Variants in STK32B observed in about 807,000 individuals in gnomAD.
STK32B encodes the protein serine/threonine kinase 32B, also known as serine/threonine-protein kinase 32B.
Under a neutral mutation model 52.6 loss-of-function variants are expected in STK32B, and 43 were observed. The observed-to-expected ratio is 0.82, with a 90% CI of 0.64 to 1.05. STK32B has a LOEUF of 1.05. Among genes scored for constraint, STK32B ranks in the 50% least tolerant of loss-of-function variants. STK32B has a pLI of 0.00. For missense variants in STK32B, 621 were observed against 534.6 expected (o/e 1.16, Z -1.59); for synonymous variants, 238 against 204.3 (o/e 1.17, Z -1.41).
chr4:5,087,849 T>G (rs1712822146), intron 1 of STK32B, among the ~76,000 whole-genome samples: 1 of 151,984 alleles, frequency 6.6e-6, no homozygotes, highest in Non-Finnish European at 1.5e-5. Context: ...CAATAATAGT[T>G]GGAGACTTAA....
At chr4:5,385,636 T>G (rs1164960216) in intron 4 of STK32B, among the ~76,000 whole-genome samples, 2 of 152,050 alleles carry the variant, frequency 1.3e-5, no homozygotes, top group Non-Finnish European at 2.9e-5. Context: ...TGAAGACAGG[T>G]GTGGTGTGTA....
chr4:5,144,862 C>T (rs181891335), intron 2 of STK32B, among the ~76,000 whole-genome samples: 482 of 152,216 alleles, frequency 3.2e-3, no homozygotes, highest in African/African-American at 0.011. Flanking sequence ...TTGCTCTGGG[C>T]CCTATTCTAG....
chr4:5,200,495 C>G (rs563026106), intron 3 of STK32B, among the ~76,000 whole-genome samples: 4 of 152,246 alleles, frequency 2.6e-5, no homozygotes, highest in African/African-American at 9.6e-5. Context: ...ACATGCTCCC[C>G]TTCTCCTCCA....
rs572360952 is a variant in STK32B at position 5,173,554 on chromosome 4, G to A, written c.260+5104G>A. ...ACATCTTTATTTCTGCCTTCATTTC[G>A]TTATGTACCCAGTAGTCATTCAGGA... On this transcript the variant is annotated intron_variant, in intron 3 of 11. Transcript: ENST00000282908. 3.4e-3 allele frequency among the ~76,000 whole-genome samples: 518 copies of A among 152,082 alleles called. 8 individuals carry two copies. The highest frequency in any genetic ancestry group is 0.011 in the African/African-American group (477 of 41,508).
intron 4 of STK32B, among the ~76,000 whole-genome samples, chr4:5,360,173 C>T (rs1230788011): frequency 6.6e-6 from 1 of 152,086 alleles, no homozygotes; most frequent in African/African-American, 2.4e-5. Flanking sequence ...AGTTCAGTTG[C>T]CTGGAAAGAC....
chr4:5,054,281 T>C (rs1239735692), intron 1 of STK32B, among the ~76,000 whole-genome samples: 2 of 151,822 alleles, frequency 1.3e-5, no homozygotes, highest in Admixed American at 1.3e-4. Context: ...AAACACAGGG[T>C]GTGTAAGTGC....
At chr4:5,074,209 T>TGTGTGTGTGTGTGTGCGC (rs397878571) in intron 1 of STK32B, among the ~76,000 whole-genome samples, 1 of 144,222 alleles carries the variant, frequency 6.9e-6, no homozygotes, top group African/African-American at 2.5e-5. Flanking sequence ...TGTGTGTGTG[T>TGTGTGTGTGTGTGTGCGC]GCGCGTGCGT....
At chr4:5,377,283 C>G (rs548981926) in intron 4 of STK32B, among the ~76,000 whole-genome samples, 11 of 152,264 alleles carry the variant, frequency 7.2e-5, no homozygotes, top group South Asian at 4.1e-4. Context: ...TTAAAAATAA[C>G]AGCAAAAGGG....
intron 3 of STK32B, among the ~76,000 whole-genome samples, chr4:5,247,563 G>A (rs770952343): frequency 6.6e-6 from 1 of 152,168 alleles, no homozygotes; most frequent in Non-Finnish European, 1.5e-5. Flanking sequence ...CACTCATGGT[G>A]TACTGCACCC....
intron 11 of STK32B, among the ~76,000 whole-genome samples, chr4:5,480,925 T>C (rs1019647516): frequency 2.0e-5 from 3 of 152,216 alleles, no homozygotes; most frequent in East Asian, 3.8e-4. Flanking sequence ...TCATTTTTTA[T>C]GGCTGCATAG....
chr4:5,321,745 A>T (rs1731504435), intron 3 of STK32B, among the ~76,000 whole-genome samples: 1 of 152,178 alleles, frequency 6.6e-6, no homozygotes, highest in South Asian at 2.1e-4. Flanking sequence ...AAGCCCCTCC[A>T]GTGGGACGGG....
At chr4:5,056,731 G>A (rs1323136780) in intron 1 of STK32B, among the ~76,000 whole-genome samples, 2 of 152,190 alleles carry the variant, frequency 1.3e-5, no homozygotes, top group African/African-American at 4.8e-5. Flanking sequence ...CAATTACTGT[G>A]AGCAGGGAGA....
intron 3 of STK32B, among the ~76,000 whole-genome samples, chr4:5,242,674 T>A (rs1436584509): frequency 6.6e-6 from 1 of 152,168 alleles, no homozygotes; most frequent in Non-Finnish European, 1.5e-5. Context: ...CTGAATGGTA[T>A]TGCCTAGGTT....
the STK32B span, among the ~76,000 whole-genome samples, chr4:5,039,684 G>A: frequency 6.6e-6 from 1 of 152,176 alleles, no homozygotes; most frequent in East Asian, 1.9e-4. Context: ...GTAATTCTAT[G>A]TGCTAAATTC....
At chr4:5,137,416 C>T (rs536328242) in intron 1 of STK32B, among the ~76,000 whole-genome samples, 5 of 152,230 alleles carry the variant, frequency 3.3e-5, no homozygotes, top group South Asian at 2.1e-4. Context: ...GTTCATCACT[C>T]GGATAACTTG....
In STK32B at chr4:5,195,650, G is replaced by A. The variant is rs183867261; in HGVS notation, c.260+27200G>A. On this transcript the variant is annotated intron_variant, in intron 3 of 11. Transcript: ENST00000282908. ...GGAGGTTGCAGTGAGCCGAGATCAC[G>A]CACTCTACTCCAGCCTGGCGACAGA... Among the ~76,000 whole-genome samples, 328 of 152,198 alleles carry A rather than the reference G, an allele frequency of 2.2e-3. 1 individual carries two copies. Among genetic ancestry groups the A allele is most frequent in the Non-Finnish European group, 3.9e-3 (267 of 68,010 alleles).
Position 5,400,350 on chromosome 4 carries a change from T to A in STK32B, c.472+2106T>A, listed in dbSNP as rs1737210589. 6.6e-6 allele frequency among the ~76,000 whole-genome samples: 1 copy of A among 152,060 alleles called. No homozygotes were observed. The highest frequency in any genetic ancestry group is 2.4e-5 in the African/African-American group (1 of 41,404). On this transcript the variant is annotated intron_variant, in intron 5 of 11. Coordinates refer to ENST00000282908, the MANE Select transcript of STK32B (RefSeq NM_018401.3). The surrounding 1 kb of genome is among the most constrained non-coding windows in gnomAD (Gnocchi z 6.1). Reference sequence around the variant, plus strand: ...GCCTCCACCTCAGCCTTCCCCACATTCTTTCTGCATCTCGTTCTGCCCCCT... The same window carrying A: ...GCCTCCACCTCAGCCTTCCCCACATACTTTCTGCATCTCGTTCTGCCCCCT...
At chr4:5,290,472 C>T (rs1401426207) in intron 3 of STK32B, among the ~76,000 whole-genome samples, 1 of 152,084 alleles carries the variant, frequency 6.6e-6, no homozygotes, top group Non-Finnish European at 1.5e-5. Context: ...CTGCATAGGG[C>T]CAAGATCATC....
chr4:5,361,486 C>T (rs1469161852), intron 4 of STK32B, among the ~76,000 whole-genome samples: 3 of 152,180 alleles, frequency 2.0e-5, no homozygotes, highest in Non-Finnish European at 4.4e-5. Flanking sequence ...ACACCCGCAC[C>T]TCAGCATCCC....
Sources: allele counts gnomAD v4.1 joint callset (sites outside exome capture counted in the v4.1 genomes callset), GRCh38; gene constraint gnomAD v4.1.1; non-coding constraint Gnocchi (gnomAD v3.1); transcripts MANE v1.5; gene names NCBI Gene and HGNC (gene_info 2026-07-23, HGNC 2026-07-21).